The following CTDSPL2 variants were observed in gnomAD, a reference collection of about 807,000 sequenced individuals.
CTDSPL2 encodes the protein CTD small phosphatase-like protein 2.
Under a neutral mutation model 60.0 loss-of-function variants are expected in CTDSPL2, and 5 were observed. That is an observed-to-expected ratio of 0.08 (90% CI 0.04 to 0.18). The LOEUF is 0.18. CTDSPL2 is among the 10% of genes least tolerant of loss of function. The pLI is 1.00. For synonymous variants in CTDSPL2, 186 were observed against 189.3 expected, an observed-to-expected ratio of 0.98 and a Z score of 0.14; for missense variants, 370 against 548.8, an observed-to-expected ratio of 0.67 and a Z score of 3.26.
chr15:44,443,639 T>G (rs569666526), intron 1 of CTDSPL2, among the ~76,000 whole-genome samples: 1 of 152,334 alleles, frequency 6.6e-6, no homozygotes, highest in Admixed American at 6.5e-5. Context: ...TGGTTTTAAT[T>G]AGCATTTCCG....
intron 2 of CTDSPL2, among the ~76,000 whole-genome samples, chr15:44,479,976 A>G (rs1188555160): frequency 6.6e-6 from 1 of 152,008 alleles, no homozygotes; most frequent in African/African-American, 2.4e-5. Flanking sequence ...AATATTGGTG[A>G]TGCTTTTTGA....
intron 2 of CTDSPL2, among the ~76,000 whole-genome samples, chr15:44,476,565 G>T (rs1420637355): frequency 1.3e-5 from 2 of 152,010 alleles, no homozygotes. Context: ...CCACCTTATG[G>T]TCCAATAAGG....
chr15:44,429,279 C>G (rs772382482), intron 1 of CTDSPL2, among the ~76,000 whole-genome samples: 5 of 151,998 alleles, frequency 3.3e-5, no homozygotes, highest in Non-Finnish European at 5.9e-5. Flanking sequence ...TTTCCTAAGG[C>G]GAATAGAATA....
rs2080169786 is a variant in CTDSPL2 at position 44,444,789 on chromosome 15, A to G, written c.-24-14202A>G. Among the ~76,000 whole-genome samples the G allele has an allele frequency of 2.1e-5, 3 of 145,360 alleles. No individual in the cohort carries two copies. The Admixed American group carries it at 2.1e-4, about 10-fold the overall frequency. On this transcript the variant is annotated intron_variant, in intron 1 of 12. Transcript: ENST00000260327. ...GTTTTCCCAGTACCAGATATCTATA[A>G]CTTTAGTAGGGGTACAGATAGGCCT...
chr15:44,431,673 A>C (rs929568980), intron 1 of CTDSPL2, among the ~76,000 whole-genome samples: 1 of 152,000 alleles, frequency 6.6e-6, no homozygotes. Context: ...GAGATAAGGA[A>C]ACATAGGAGA....
rs183197942 is a variant in CTDSPL2 at position 44,494,095 on chromosome 15, T to G, written c.692-2285T>G. ...TAGAAATTTTTATTGGGTTCTACTT[T>G]AAATTTTTATATCTGAGACGTTACC... On this transcript the variant is annotated intron_variant, in intron 5 of 12. Coordinates refer to ENST00000260327, the MANE Select transcript of CTDSPL2 (RefSeq NM_016396.3). Among the ~76,000 whole-genome samples the G allele has an allele frequency of 2.0e-5, 3 of 152,332 alleles. 1 individual carries two copies. The highest frequency in any genetic ancestry group is 7.2e-5 in the African/African-American group (3 of 41,576).
intron 1 of CTDSPL2, among the ~76,000 whole-genome samples, chr15:44,428,456 C>T (rs1029079179): frequency 1.3e-5 from 2 of 152,184 alleles, no homozygotes; most frequent in South Asian, 2.1e-4. Context: ...GCATTCTTGA[C>T]CAGAGTTCTG....
chr15:44,460,361 G>GCCT (rs1488102380), intron 2 of CTDSPL2, among the ~76,000 whole-genome samples: 1 of 152,142 alleles, frequency 6.6e-6, no homozygotes, highest in African/African-American at 2.4e-5. Context: ...GTCCGCCTCG[G>GCCT]CCTCCCAAAG....
At chr15:44,502,024 GAT>G (rs1186492799) in intron 8 of CTDSPL2, 1 of 451,602 alleles carries the variant, frequency 2.2e-6, no homozygotes, top group Non-Finnish European at 4.5e-6. Flanking sequence ...TGATCTAAGA[GAT>G]ATTGGAGAAA....
intron 5 of CTDSPL2, among the ~76,000 whole-genome samples, chr15:44,496,040 A>G (rs934375955): frequency 1.6e-4 from 25 of 152,202 alleles, no homozygotes; most frequent in African/African-American, 6.0e-4. Flanking sequence ...TAAGAGCACC[A>G]TGAAATTTTT....
At chr15:44,453,596 C>A (rs1397571991) in intron 1 of CTDSPL2, among the ~76,000 whole-genome samples, 1 of 143,526 alleles carries the variant, frequency 7.0e-6, no homozygotes, top group Non-Finnish European at 1.5e-5. Context: ...CCACGACAGG[C>A]CCCAGTGTGT....
intron 2 of CTDSPL2, among the ~76,000 whole-genome samples, chr15:44,474,067 G>A (rs1193401337): frequency 2.6e-5 from 4 of 152,104 alleles, no homozygotes; most frequent in Non-Finnish European, 4.4e-5. Context: ...GGCTCAGGCA[G>A]TCTACCTGCC....
intron 2 of CTDSPL2, among the ~76,000 whole-genome samples, chr15:44,478,452 C>CAAA (rs61080056): frequency 2.9e-4 from 11 of 38,018 alleles, no homozygotes; most frequent in Non-Finnish European, 3.8e-4. Flanking sequence ...GACTCTGTCT[C>CAAA]AAAAAAAAAA....
chr15:44,493,274 G>T (rs1326443333), intron 5 of CTDSPL2, among the ~76,000 whole-genome samples: 1 of 152,084 alleles, frequency 6.6e-6, no homozygotes, highest in Non-Finnish European at 1.5e-5. Flanking sequence ...ATAGATAGAG[G>T]CATTTAGTAT....
At chr15:44,450,627 C>T (rs1242708080) in intron 1 of CTDSPL2, among the ~76,000 whole-genome samples, 1 of 115,542 alleles carries the variant, frequency 8.7e-6, no homozygotes, top group Non-Finnish European at 1.7e-5. Context: ...GACTGAGTCT[C>T]ACTTTGTCAC....
intron 3 of CTDSPL2, among the ~76,000 whole-genome samples, chr15:44,485,102 A>G (rs1364759092): frequency 2.0e-5 from 3 of 152,206 alleles, no homozygotes; most frequent in Admixed American, 6.5e-5. Flanking sequence ...GTCAATATCT[A>G]GAGACCTTTT....
intron 10 of CTDSPL2, among the ~76,000 whole-genome samples, chr15:44,518,124 G>T (rs2140870547): frequency 6.6e-6 from 1 of 152,218 alleles, no homozygotes; most frequent in Middle Eastern, 3.4e-3. Context: ...GACAGATTTT[G>T]TGGGTAGAAA....
At chr15:44,521,958 A>AC (rs1555441552) in intron 12 of CTDSPL2, among the ~76,000 whole-genome samples, 3 of 150,060 alleles carry the variant, frequency 2.0e-5, no homozygotes, top group South Asian at 2.1e-4. Flanking sequence ...AAAAAAAAAA[A>AC]AAAAACATGA....
chr15:44,431,526 T>C (rs537088516), intron 1 of CTDSPL2, among the ~76,000 whole-genome samples: 2 of 152,318 alleles, frequency 1.3e-5, no homozygotes, highest in South Asian at 4.1e-4. Flanking sequence ...ATCTCTCCAG[T>C]GTTTTTCTAA....
Sources: gnomAD v4.1 joint callset for allele counts (sites outside exome capture counted in the v4.1 genomes callset) on GRCh38, gnomAD v4.1.1 for gene constraint, MANE v1.5 for transcripts, NCBI Gene and HGNC (gene_info 2026-07-23, HGNC 2026-07-21) for gene names.